The following BACH1 variants were observed in gnomAD, a reference collection of about 807,000 sequenced individuals.
The protein encoded by BACH1 is transcription regulator protein BACH1.
Under a neutral mutation model 52.9 loss-of-function variants are expected in BACH1, and 35 were observed. That is an observed-to-expected ratio of 0.66 (90% CI 0.51 to 0.88). The LOEUF (loss-of-function observed/expected upper bound fraction) is 0.88, where lower values mean the gene tolerates loss of function less well. Among genes scored for constraint, BACH1 ranks in the 40% least tolerant of loss-of-function variants. The probability of loss-of-function intolerance (pLI) is 0.00; values close to 1 mark genes in which losing one functional copy is unlikely to be tolerated. For synonymous variants in BACH1, 321 were observed against 319.6 expected, an observed-to-expected ratio of 1.00 and a Z score of -0.05; for missense variants, 808 against 872.6, an observed-to-expected ratio of 0.93 and a Z score of 0.93.
intron 4 of BACH1, among the ~76,000 whole-genome samples, chr21:29,341,160 T>C (rs1454012404): frequency 1.3e-5 from 2 of 152,206 alleles, no homozygotes; most frequent in Non-Finnish European, 2.9e-5. Context: ...TATAAAACCA[T>C]AACAATACTT....
At chr21:29,304,999 G>C (rs1569005821) in intron 1 of BACH1, among the ~76,000 whole-genome samples, 1 of 152,174 alleles carries the variant, frequency 6.6e-6, no homozygotes, top group Non-Finnish European at 1.5e-5. Context: ...TTTAAAAAAT[G>C]TACAGTGGTT....
intron 1 of BACH1, among the ~76,000 whole-genome samples, chr21:29,299,192 C>T (rs895078948): frequency 6.6e-6 from 1 of 151,678 alleles, no homozygotes; most frequent in African/African-American, 2.4e-5. Flanking sequence ...GCGGCCGAAC[C>T]CCCTGCACTG....
Position 29,327,327 on chromosome 21 carries a change from A to T in BACH1, c.1503A>T (p.Gly501=). 6.2e-6 allele frequency: 10 copies of T among 1,614,232 alleles called. No homozygotes were observed. The highest frequency in any genetic ancestry group is 8.5e-6 in the Non-Finnish European group (10 of 1,180,050). Residue 501 remains glycine (G), a synonymous_variant, in exon 3 of 5, where the codon GGA becomes GGT. Transcript: ENST00000286800. ...CATATGCTTGTGTCATTAGCTTGGG[A>T]GACGACTCTGAGACGGACACCGAAG... ...PCPYACVISL[G]DDSETDTEGD... is the part of the protein sequence containing the mutation.
At position 29,301,495 on chromosome 21, in the gene BACH1, G is replaced by A. The variant is rs117787876; in HGVS notation, c.-61+2542G>A. 9.4e-4 allele frequency among the ~76,000 whole-genome samples: 143 copies of A among 152,136 alleles called. 3 individuals carry two copies. In the East Asian group the frequency reaches 0.024, roughly 26 times the overall value. ...TATTCCATTTAAGTTTTATTTTATA[G>A]GTAGTTCTATTGTCTGTATGTTTTA... On this transcript the variant is annotated intron_variant, in intron 1 of 4. Transcript: ENST00000286800.
Position 29,342,480 on chromosome 21 carries a change from C to G in BACH1, c.1858C>G (p.Leu620Val), listed in dbSNP as rs1319364689. Residue 620 changes from leucine (L) to valine (V), a missense_variant, in exon 5 of 5, where the codon CTT (leucine) becomes GTT (valine). Coordinates refer to ENST00000286800, the MANE Select transcript of BACH1 (RefSeq NM_001186.4). Reference protein sequence around the residue: ...LGETKQNLTGLCQKVCKEAAL... With the variant: ...LGETKQNLTGVCQKVCKEAAL... ...TGAGACAAAGCAGAACCTAACTGGA[C>G]TTTGCCAGAAAGTTTGTAAAGAAGC... The G allele has an allele frequency of 2.5e-6, 4 of 1,614,092 alleles. No homozygotes were observed. Among genetic ancestry groups the G allele is most frequent in the Non-Finnish European group, 3.4e-6 (4 of 1,180,050 alleles).
Position 29,342,479 on chromosome 21 carries a change from A to G in BACH1, c.1857A>G (p.Gly619=). ...TLGETKQNLT[G]LCQKVCKEAA... ...GTGAGACAAAGCAGAACCTAACTGG[A>G]CTTTGCCAGAAAGTTTGTAAAGAAG... Residue 619 remains glycine (G), a synonymous_variant, in exon 5 of 5, where the codon GGA becomes GGG. Transcript: ENST00000286800. The G allele has an allele frequency of 6.2e-7, 1 of 1,614,250 alleles. No individual in the cohort carries two copies. Among genetic ancestry groups the G allele is most frequent in the Non-Finnish European group, 8.5e-7 (1 of 1,180,042 alleles).
At chr21:29,299,202 G>C (rs1483550178) in intron 1 of BACH1, among the ~76,000 whole-genome samples, 1 of 151,684 alleles carries the variant, frequency 6.6e-6, no homozygotes. Context: ...CCCCTGCACT[G>C]CCGGAGCTGT....
chr21:29,320,139 G>A (rs966010364), intron 1 of BACH1, among the ~76,000 whole-genome samples: 1 of 152,070 alleles, frequency 6.6e-6, no homozygotes, highest in Non-Finnish European at 1.5e-5. Context: ...AAATCTGAAA[G>A]CAGTACCATT....
At chr21:29,318,993 G>A (rs2088818922) in intron 1 of BACH1, among the ~76,000 whole-genome samples, 1 of 152,150 alleles carries the variant, frequency 6.6e-6, no homozygotes, top group South Asian at 2.1e-4. Context: ...AAAAATGTCT[G>A]GTGGCAATTC....
intron 4 of BACH1, among the ~76,000 whole-genome samples, chr21:29,332,756 T>C (rs2088999747): frequency 6.6e-6 from 1 of 152,252 alleles, no homozygotes; most frequent in South Asian, 2.1e-4. Flanking sequence ...CAGAGACTAC[T>C]GTTTTAGTCA....
chr21:29,308,389 GAAT>G (rs1455419163), intron 1 of BACH1, among the ~76,000 whole-genome samples: 1 of 152,154 alleles, frequency 6.6e-6, no homozygotes, highest in African/African-American at 2.4e-5. Context: ...ATCTCTACTT[GAAT>G]AAAACAGTTT....
intron 2 of BACH1, among the ~76,000 whole-genome samples, chr21:29,324,231 CA>C (rs35915821): frequency 0.036 from 2,281 of 63,168 alleles, 53 homozygotes; most frequent in African/African-American, 0.11. Context: ...GACTCTGCCT[CA>C]AAAAAAAAAA....
chr21:29,351,323 A>C (rs1238502093), intron 2 of BACH1, among the ~76,000 whole-genome samples: 1 of 152,196 alleles, frequency 6.6e-6, no homozygotes, highest in Non-Finnish European at 1.5e-5. Flanking sequence ...TATCCACTAT[A>C]ACTTAAGCTT....
chr21:29,310,140 C>G (rs1477071842), intron 1 of BACH1, among the ~76,000 whole-genome samples: 1 of 152,044 alleles, frequency 6.6e-6, no homozygotes, highest in Non-Finnish European at 1.5e-5. Context: ...TAGTGACAAA[C>G]CAATTATCTG....
At chr21:29,301,509 C>A (rs750873760) in intron 1 of BACH1, among the ~76,000 whole-genome samples, 8 of 152,106 alleles carry the variant, frequency 5.3e-5, no homozygotes, top group Non-Finnish European at 1.2e-4. Context: ...GTTCTATTGT[C>A]TGTATGTTTT....
chr21:29,351,909 T>A (rs2089204490), intron 2 of BACH1: 1 of 376,810 alleles, frequency 2.7e-6, no homozygotes, highest in Non-Finnish European at 5.3e-6. Context: ...TTAAAATAGG[T>A]TGAGTATGAA....
At chr21:29,330,694 T>C (rs1481626701) in intron 4 of BACH1, among the ~76,000 whole-genome samples, 1 of 152,146 alleles carries the variant, frequency 6.6e-6, no homozygotes, top group African/African-American at 2.4e-5. Flanking sequence ...TGTCTATTAA[T>C]TGTTGAAAGT....
chr21:29,299,765 G>A (rs1316083872), intron 1 of BACH1: 1 of 152,196 alleles, frequency 6.6e-6, no homozygotes, highest in African/African-American at 2.4e-5. Flanking sequence ...CTGATTCCAG[G>A]TAAAGTGTAG....
At chr21:29,317,868 A>G (rs548893329) in intron 1 of BACH1, among the ~76,000 whole-genome samples, 2 of 152,074 alleles carry the variant, frequency 1.3e-5, no homozygotes, top group African/African-American at 2.4e-5. Context: ...TGTTTTCTCT[A>G]CTTTATAGAT....
Sources: allele counts gnomAD v4.1 joint callset (sites outside exome capture counted in the v4.1 genomes callset), GRCh38; gene constraint gnomAD v4.1.1; transcripts MANE v1.5; gene names NCBI Gene and HGNC (gene_info 2026-07-23, HGNC 2026-07-21).